Variants in RBBP5 observed in about 807,000 individuals in gnomAD.
The protein encoded by RBBP5 is retinoblastoma-binding protein 5.
A neutral mutation model predicts 72.2 loss-of-function variants in RBBP5; 5 were observed. The ratio of observed to expected loss-of-function variants is 0.07; its 90% CI spans 0.04 to 0.15. The LOEUF is 0.15. RBBP5 is among the 10% of genes least tolerant of loss of function. The pLI is 1.00. For missense variants in RBBP5, 322 were observed against 652.2 expected, an observed-to-expected ratio of 0.49 and a Z score of 5.51; for synonymous variants, 209 against 237.2, an observed-to-expected ratio of 0.88 and a Z score of 1.09.
At chr1:205,113,401 T>C (rs1481660632) in intron 3 of RBBP5, among the ~76,000 whole-genome samples, 1 of 151,612 alleles carries the variant, frequency 6.6e-6, no homozygotes, top group East Asian at 2.0e-4. Flanking sequence ...CCACTTCAGC[T>C]TCCTAAGTAG....
At chr1:205,106,454 G>C (rs1031999775) in intron 3 of RBBP5, among the ~76,000 whole-genome samples, 2 of 152,028 alleles carry the variant, frequency 1.3e-5, no homozygotes, top group African/African-American at 2.4e-5. Context: ...AAAATTAGCC[G>C]GGCATGGTGG....
chr1:205,109,405 A>C (rs961028742), intron 3 of RBBP5, among the ~76,000 whole-genome samples: 6 of 152,190 alleles, frequency 3.9e-5, no homozygotes, highest in African/African-American at 9.6e-5. Flanking sequence ...AATAGCCCCC[A>C]AAAATAGAAG....
chr1:205,115,109 T>C (rs563262943), intron 2 of RBBP5, 148 bp from the exon 3 acceptor site: 1 of 779,340 alleles, frequency 1.3e-6, no homozygotes, highest in Non-Finnish European at 2.0e-6. Flanking sequence ...CTTATATCTA[T>C]TAAAATAGCC....
chr1:205,093,469 AAAAAAAAAAAATATATATATATATATAT>A, intron 13 of RBBP5, among the ~76,000 whole-genome samples: 1 of 11,916 alleles, frequency 8.4e-5, no homozygotes, highest in African/African-American at 2.2e-4. Flanking sequence ...AAAAAAAAAA[AAAAAAAAAAAATATATATATATATATAT>A]ATATATATAT....
At chr1:205,117,719 A>G (rs2102335231) in intron 1 of RBBP5, among the ~76,000 whole-genome samples, 1 of 152,288 alleles carries the variant, frequency 6.6e-6, no homozygotes, top group South Asian at 2.1e-4. Context: ...AAGTGTGTTT[A>G]TATGAGCAAG....
At position 205,087,594 on chromosome 1, in the gene RBBP5, C is replaced by T. The variant is rs1342162565; in HGVS notation, c.*1193G>A. On this transcript the variant is annotated 3_prime_UTR_variant, in exon 14 of 14. Coordinates refer to ENST00000264515, the MANE Select transcript of RBBP5 (RefSeq NM_005057.4). ...AAAAAAAGACGATCCAGATTAAGCA[C>T]TTCCAGTCAGCTAAAAACGCCACTC... 6.2e-5 allele frequency: 9 copies of T among 145,802 alleles called. No homozygotes were observed. The highest frequency in any genetic ancestry group is 5.5e-4 in the Admixed American group (8 of 14,632). 9.0% of individuals were successfully genotyped at this position (145,802 alleles called of 1,614,324 possible).
chr1:205,120,971 C>T (rs1240204046), intron 1 of RBBP5, among the ~76,000 whole-genome samples: 2 of 152,188 alleles, frequency 1.3e-5, no homozygotes, highest in Admixed American at 6.5e-5. Flanking sequence ...ACATAATCAC[C>T]TTAAACTCCC....
chr1:205,110,862 A>G (rs1656283854), intron 3 of RBBP5, among the ~76,000 whole-genome samples: 1 of 152,154 alleles, frequency 6.6e-6, no homozygotes, highest in South Asian at 2.1e-4. Flanking sequence ...TCGGGAGGTC[A>G]AGACTGGCCT....
chr1:205,116,402 T>G (rs947175898), intron 1 of RBBP5: 6 of 286,528 alleles, frequency 2.1e-5, no homozygotes, highest in African/African-American at 1.3e-4. Context: ...CCTCTACTTC[T>G]TAAAAGTATA....
Position 205,104,555 on chromosome 1 carries a change from A to G in RBBP5, c.359+473T>C, listed in dbSNP as rs565964689. Among the ~76,000 whole-genome samples the G allele has an allele frequency of 3.1e-3, 428 of 140,188 alleles. 7 individuals carry two copies. Among genetic ancestry groups the G allele is most frequent in the Middle Eastern group, 4.8e-3 (1 of 208 alleles). 92.0% of individuals were successfully genotyped at this position (140,188 alleles called of 152,430 possible). ...TTAAAATTTAAATTAAAAAAAACGC[A>G]TTCAGGGCCAGGCGCAGTGGCTCAT... is the stretch of plus-strand genomic sequence containing the variant. On this transcript the variant is annotated intron_variant, in intron 4 of 13. Coordinates refer to ENST00000264515, the MANE Select transcript of RBBP5 (RefSeq NM_005057.4).
At chr1:205,095,136 A>C (rs1162619401) in intron 12 of RBBP5, 72 bp from the exon 13 acceptor site, 1 of 1,416,396 alleles carries the variant, frequency 7.1e-7, no homozygotes, top group African/African-American at 1.4e-5. Context: ...AACTTTGTTG[A>C]GCAAAGAATG....
intron 1 of RBBP5, among the ~76,000 whole-genome samples, chr1:205,117,358 C>G (rs992525815): frequency 8.6e-5 from 13 of 151,956 alleles, no homozygotes; most frequent in African/African-American, 2.7e-4. Context: ...CCGGCCTAGT[C>G]CTTACAAATT....
intron 1 of RBBP5, among the ~76,000 whole-genome samples, chr1:205,119,210 T>A (rs1345132528): frequency 6.6e-6 from 1 of 152,100 alleles, no homozygotes; most frequent in Non-Finnish European, 1.5e-5. Context: ...TTGGCCAACA[T>A]GGTGAAACCC....
intron 1 of RBBP5, among the ~76,000 whole-genome samples, chr1:205,119,102 T>C (rs114446101): frequency 0.018 from 2,685 of 152,232 alleles, 89 homozygotes; most frequent in African/African-American, 0.06. Flanking sequence ...GTGCTAAATA[T>C]TCCTTCCTGG....
In RBBP5 at chr1:205,100,290, T is replaced by C. The variant is rs1412835148; in HGVS notation, c.633-19A>G. ...AAAGCAACTACGGGAAGGATAAAAA[T>C]ATCAACACCAGAGGTCAGAAATCTG... On this transcript the variant is annotated intron_variant, in intron 6 of 13. Transcript: ENST00000264515. 1 of 1,611,930 alleles carries C rather than the reference T, an allele frequency of 6.2e-7. No individual in the cohort carries two copies. The highest frequency in any genetic ancestry group is 1.3e-5 in the African/African-American group (1 of 74,866).
chr1:205,099,657 G>T lies in RBBP5; in HGVS notation c.978+84C>A. 3.0e-6 allele frequency: 4 copies of T among 1,337,376 alleles called. No individual in the cohort carries two copies. The highest frequency in any genetic ancestry group is 3.1e-6 in the Non-Finnish European group (3 of 961,304). The allele number at this position is 1,337,376 out of a possible 1,614,324, so 82.8% of individuals were successfully genotyped here. ...ATCATATGCAAAAGAAAATAAAAAT[G>T]TAATTTTTAGCTTCCTATGTATAAG... On this transcript the variant is annotated intron_variant, in intron 9 of 13. Transcript: ENST00000264515. The surrounding 1 kb of genome is among the most constrained non-coding windows in gnomAD (Gnocchi z 4.7).
chr1:205,092,138 C>T (rs1320554926), intron 13 of RBBP5, among the ~76,000 whole-genome samples: 1 of 152,136 alleles, frequency 6.6e-6, no homozygotes, highest in African/African-American at 2.4e-5. Flanking sequence ...TGCCCTAAAA[C>T]AGACTTTTGA....
At chr1:205,113,543 G>A (rs973320475) in intron 3 of RBBP5, among the ~76,000 whole-genome samples, 2 of 152,072 alleles carry the variant, frequency 1.3e-5, no homozygotes, top group African/African-American at 4.8e-5. Flanking sequence ...GGGATTATAG[G>A]CATGAGCCAA....
At chr1:205,102,751 T>C (rs1655885624) in intron 5 of RBBP5, among the ~76,000 whole-genome samples, 1 of 152,090 alleles carries the variant, frequency 6.6e-6, no homozygotes, top group Admixed American at 6.6e-5. Flanking sequence ...CCCAGCACTT[T>C]AGGAGGCTGA....
Sources: allele counts gnomAD v4.1 joint callset (sites outside exome capture counted in the v4.1 genomes callset), GRCh38; gene constraint gnomAD v4.1.1; non-coding constraint Gnocchi (gnomAD v3.1); transcripts MANE v1.5; gene names NCBI Gene and HGNC (gene_info 2026-07-23, HGNC 2026-07-21).